Variants in POMK observed in about 807,000 individuals in gnomAD.
POMK encodes Sugen kinase 196.
POMK carries 19 observed loss-of-function variants against 23.0 expected under a neutral mutation model. The ratio of observed to expected loss-of-function variants is 0.83; its 90% CI spans 0.58 to 1.21. POMK has a LOEUF of 1.21. POMK is among the 50% of genes most tolerant of loss of function. The probability of loss-of-function intolerance (pLI) is 0.00; values close to 1 mark genes in which losing one functional copy is unlikely to be tolerated. For missense variants in POMK, 410 were observed against 431.3 expected (o/e 0.95, Z 0.44); for synonymous variants, 173 against 171.6 (o/e 1.01, Z -0.06).
chr8:43,122,774 C>T lies in POMK; in HGVS notation c.950C>T (p.Thr317Ile). The T allele has an allele frequency of 6.2e-7, 1 of 1,614,168 alleles. No individual in the cohort carries two copies. The highest frequency in any genetic ancestry group is 1.1e-5 in the South Asian group (1 of 91,084). Residue 317 changes from threonine (T) to isoleucine (I), a missense_variant, in exon 5 of 5, where the codon ACT becomes ATT. Transcript: ENST00000331373. ...ATTCACAAAGCATGCAAGAGCCAGA[C>T]TCCCTCAGAAAGACCCACTGCCCAG... ...FDIHKACKSQ[T>I]PSERPTAQDV...
chr8:43,122,465 A>C lies in POMK; in HGVS notation c.641A>C (p.Gln214Pro). Residue 214 changes from glutamine to proline, a missense_variant, in exon 5 of 5, where the codon CAG (glutamine) becomes CCG (proline). Transcript: ENST00000331373. ...AACGACCTGCCGAAGACACTGTCCCAGTATCTGCTAACAAGCAACTTCAGC... is the reference window on the plus strand; with the variant it reads ...AACGACCTGCCGAAGACACTGTCCCCGTATCTGCTAACAAGCAACTTCAGC... Reference protein sequence around the residue: ...DSNDLPKTLSQYLLTSNFSIL... With the variant: ...DSNDLPKTLSPYLLTSNFSIL... 1 of 1,614,164 alleles carries C rather than the reference A, an allele frequency of 6.2e-7. No individual in the cohort carries two copies. Among genetic ancestry groups the C allele is most frequent in the Non-Finnish European group, 8.5e-7 (1 of 1,180,002 alleles).
intron 2 of POMK, among the ~76,000 whole-genome samples, chr8:43,099,342 G>C (rs1188983146): frequency 1.3e-5 from 2 of 152,178 alleles, no homozygotes; most frequent in Admixed American, 6.5e-5. Flanking sequence ...AGCAAGCCTT[G>C]GGTTCTGAGG....
At chr8:43,099,400 G>A (rs868698029) in intron 2 of POMK, among the ~76,000 whole-genome samples, 17 of 152,360 alleles carry the variant, frequency 1.1e-4, no homozygotes, top group Non-Finnish European at 1.3e-4. Context: ...AGCAGGCAGC[G>A]ATGAAAAGTC....
chr8:43,095,870 G>C (rs1437293800), intron 1 of POMK, among the ~76,000 whole-genome samples: 1 of 152,210 alleles, frequency 6.6e-6, no homozygotes, highest in Non-Finnish European at 1.5e-5. Flanking sequence ...GGGTAAGGAG[G>C]GTTGGAGGGT....
At chr8:43,104,464 A>G (rs1207659494) in intron 4 of POMK, among the ~76,000 whole-genome samples, 1 of 152,218 alleles carries the variant, frequency 6.6e-6, no homozygotes, top group Admixed American at 6.5e-5. Flanking sequence ...AGAAAACTAG[A>G]AACAAAACTT....
Position 43,096,749 on chromosome 8 carries a change from A to G in POMK, c.-209-775A>G, listed in dbSNP as rs538289438. 5.2e-4 allele frequency among the ~76,000 whole-genome samples: 79 copies of G among 152,362 alleles called. 1 individual carries two copies. The highest frequency in any genetic ancestry group is 7.3e-5 in the Non-Finnish European group (5 of 68,030). The stretch of plus-strand genomic sequence containing the variant: ...CTTCCATGTATGCCTGGGGAGATGT[A>G]TACACAGCTTGTCTCACTAATTGTG... On this transcript the variant is annotated intron_variant, in intron 1 of 4. Transcript: ENST00000331373.
At chr8:43,109,673 G>A (rs1811610433) in intron 4 of POMK, among the ~76,000 whole-genome samples, 1 of 152,078 alleles carries the variant, frequency 6.6e-6, no homozygotes, top group Non-Finnish European at 1.5e-5. Context: ...CTCCCGAGTA[G>A]CTGGGACTAT....
chr8:43,112,073 CTT>C (rs1303823091), intron 4 of POMK, among the ~76,000 whole-genome samples: 4 of 151,776 alleles, frequency 2.6e-5, no homozygotes, highest in Admixed American at 1.3e-4. Context: ...CGGAGAATGA[CTT>C]TGATGAGTTG....
intron 4 of POMK, among the ~76,000 whole-genome samples, chr8:43,114,878 G>T (rs533514491): frequency 1.9e-4 from 29 of 152,316 alleles, no homozygotes; most frequent in African/African-American, 7.0e-4. Flanking sequence ...CTGGAATGTA[G>T]ATTTGGGGCA....
chr8:43,109,925 T>A (rs1275040196), intron 4 of POMK, among the ~76,000 whole-genome samples: 1 of 152,264 alleles, frequency 6.6e-6, no homozygotes, highest in African/African-American at 2.4e-5. Flanking sequence ...TTAAGAAAAC[T>A]CTGTTGTGCT....
intron 4 of POMK, among the ~76,000 whole-genome samples, chr8:43,106,586 C>T (rs963414958): frequency 2.7e-5 from 4 of 150,402 alleles, no homozygotes; most frequent in African/African-American, 4.9e-5. Context: ...CTTGGCTCAC[C>T]GCAACCTCCA....
intron 2 of POMK, among the ~76,000 whole-genome samples, chr8:43,099,093 C>T (rs183630564): frequency 6.6e-6 from 1 of 152,110 alleles, no homozygotes; most frequent in African/African-American, 2.4e-5. Context: ...CCTATAGGCA[C>T]AGGCCAACAT....
chr8:43,112,171 A>G (rs919342936), intron 4 of POMK, among the ~76,000 whole-genome samples: 15 of 152,226 alleles, frequency 9.9e-5, no homozygotes, highest in African/African-American at 3.6e-4. Flanking sequence ...AACTTCGAAA[A>G]AAAATTAGAC....
chr8:43,103,851 G>T, intron 4 of POMK, 21 bp downstream of exon 4: 1 of 1,611,810 alleles, frequency 6.2e-7, no homozygotes, highest in South Asian at 1.1e-5. Flanking sequence ...GTTCATTTGC[G>T]ATTGCTGTCA....
chr8:43,121,967 G>A, intron 4 of POMK, 140 bp from the exon 5 acceptor site: 1 of 801,794 alleles, frequency 1.2e-6, no homozygotes, highest in Non-Finnish European at 2.0e-6. Flanking sequence ...TAGACGGAGA[G>A]CAACTCTACG....
rs1811464063 is a variant in POMK at position 43,102,500 on chromosome 8, G to A, written c.-117-5G>A. 6.6e-6 allele frequency: 1 copy of A among 152,318 alleles called. No individual in the cohort carries two copies. Among genetic ancestry groups the A allele is most frequent in the South Asian group, 2.1e-4 (1 of 4,834 alleles). 9.4% of individuals were successfully genotyped at this position (152,318 alleles called of 1,614,324 possible). ...ACACACTTCCTGTTTGGTACTTTGT[G>A]GCAGGGTGTTTCCCGACCAGTCCCT... On this transcript the variant is annotated splice_region_variant and splice_polypyrimidine_tract_variant and intron_variant, in intron 2 of 4. Coordinates refer to ENST00000331373, the MANE Select transcript of POMK (RefSeq NM_032237.5).
rs191204594 is a variant in POMK, at chr8:43,116,155, C to G, written c.283-5952C>G. ...CCTATTTACTTTATTCATTGTTTGC[C>G]TACTGCACTAGTATGTAAATTTCAT... On this transcript the variant is annotated intron_variant, in intron 4 of 4. Transcript: ENST00000331373. Among the ~76,000 whole-genome samples, 229 of 152,288 alleles carry G rather than the reference C, an allele frequency of 1.5e-3. 2 individuals are homozygous for G. The South Asian group carries it at 0.017, about 11-fold the overall frequency.
intron 2 of POMK, among the ~76,000 whole-genome samples, chr8:43,101,798 A>AG (rs1811448552): frequency 6.6e-6 from 1 of 152,248 alleles, no homozygotes; most frequent in East Asian, 1.9e-4. Flanking sequence ...GTAGTAAAAA[A>AG]GGAGTCTTCA....
intron 3 of POMK, 68 bp from the exon 4 acceptor site, chr8:43,103,460 C>A: frequency 6.8e-7 from 1 of 1,474,440 alleles, no homozygotes; most frequent in Non-Finnish European, 9.4e-7. Context: ...GGCATCAGAA[C>A]ACATTTTTGG....
Sources: gnomAD v4.1 joint callset for allele counts (sites outside exome capture counted in the v4.1 genomes callset) on GRCh38, gnomAD v4.1.1 for gene constraint, MANE v1.5 for transcripts, NCBI Gene and HGNC (gene_info 2026-07-23, HGNC 2026-07-21) for gene names.